The following TTC39B variants were observed in gnomAD, a reference collection of about 807,000 sequenced individuals.
The protein encoded by TTC39B is tetratricopeptide repeat protein 39B.
In TTC39B, 92 loss-of-function variants were observed where a neutral mutation model predicts 96.6. That is an observed-to-expected ratio of 0.95 (90% CI 0.80 to 1.13). The LOEUF (loss-of-function observed/expected upper bound fraction) is 1.13. Ranked by LOEUF, TTC39B falls within the 50% of genes most tolerant of loss-of-function variation. TTC39B has a pLI of 0.00. For synonymous variants in TTC39B, 367 were observed against 299.4 expected (o/e 1.23, Z -2.33); for missense variants, 955 against 809.3 (o/e 1.18, Z -2.18).
chr9:15,212,682 C>A (rs1820276881), intron 4 of TTC39B, among the ~76,000 whole-genome samples: 1 of 152,130 alleles, frequency 6.6e-6, no homozygotes, highest in South Asian at 2.1e-4. Flanking sequence ...CTGCCTCGGC[C>A]TCCCAAAGTG....
At chr9:15,182,108 C>T (rs959964281) in intron 17 of TTC39B, among the ~76,000 whole-genome samples, 199 bp downstream of exon 17, 4 of 152,168 alleles carry the variant, frequency 2.6e-5, no homozygotes, top group African/African-American at 9.6e-5. Context: ...CCTTAGTAAG[C>T]TGTTTCCAAG....
intron 2 of TTC39B, among the ~76,000 whole-genome samples, chr9:15,228,464 C>T (rs1333338234): frequency 6.7e-6 from 1 of 149,068 alleles, no homozygotes; most frequent in African/African-American, 2.6e-5. Flanking sequence ...CACTCCATCT[C>T]AAAAAATAAA....
At chr9:15,279,851 T>C (rs962568575) in intron 1 of TTC39B, among the ~76,000 whole-genome samples, 17 of 152,036 alleles carry the variant, frequency 1.1e-4, no homozygotes, top group South Asian at 1.0e-3. Flanking sequence ...TTCCACCTGC[T>C]GCCTTTTCTT....
intron 2 of TTC39B, among the ~76,000 whole-genome samples, chr9:15,238,215 C>T (rs1821876875): frequency 6.6e-6 from 1 of 152,056 alleles, no homozygotes; most frequent in Admixed American, 6.6e-5. Context: ...ATGAGGACAC[C>T]CACTTTCACC....
At chr9:15,238,949 G>C (rs931464927) in intron 2 of TTC39B, among the ~76,000 whole-genome samples, 1 of 152,158 alleles carries the variant, frequency 6.6e-6, no homozygotes, top group Non-Finnish European at 1.5e-5. Context: ...TCGCACCACT[G>C]CACTCAGCCC....
At chr9:15,190,489 G>A in intron 11 of TTC39B, 65 bp downstream of exon 11, 10 of 1,447,608 alleles carry the variant, frequency 6.9e-6, no homozygotes, top group Non-Finnish European at 9.7e-6. Flanking sequence ...GGGATTACAG[G>A]TGTAACACAC....
chr9:15,164,794 G>A (rs1817488327), exon 20 of TTC39B: 1 of 151,994 alleles, frequency 6.6e-6, no homozygotes, highest in Non-Finnish European at 1.5e-5. Flanking sequence ...ATATGAGAAT[G>A]CAACATATTT....
chr9:15,299,709 T>A lies in TTC39B; in HGVS notation c.240+7375A>T, dbSNP rs1222604733. ...GAGATGCTACTGGGGCATCCAAGAC[T>A]GGAGATTGGTCGGCTGTCAACAGAT... On this transcript the variant is annotated intron_variant, in intron 1 of 19. Coordinates refer to ENST00000512701, the Ensembl canonical transcript of TTC39B. Among the ~76,000 whole-genome samples, 3 of 152,142 alleles carry A rather than the reference T, an allele frequency of 2.0e-5. No homozygotes were observed. In the East Asian group the frequency reaches 5.8e-4, roughly 29 times the overall value.
At chr9:15,300,335 T>A (rs905122721) in intron 1 of TTC39B, among the ~76,000 whole-genome samples, 29 of 152,160 alleles carry the variant, frequency 1.9e-4, no homozygotes, top group African/African-American at 7.0e-4. Context: ...GGCTCCTCCC[T>A]CACTGCACCA....
Position 15,175,001 on chromosome 9 carries a change from G to A in TTC39B, c.1958+18C>T. 6.5e-7 allele frequency: 1 copy of A among 1,548,124 alleles called. No individual in the cohort carries two copies. The highest frequency in any genetic ancestry group is 1.1e-5 in the South Asian group (1 of 89,696). ...CTGACTCCATAACAATCAAGGAAAAGCTGCCTTCAACACTTACCTTGCAGT... is the reference window on the plus strand; with the variant it reads ...CTGACTCCATAACAATCAAGGAAAAACTGCCTTCAACACTTACCTTGCAGT... On this transcript the variant is annotated intron_variant, in intron 19 of 19. Coordinates refer to ENST00000512701, the Ensembl canonical transcript of TTC39B.
chr9:15,205,001 T>C (rs1253017357), intron 6 of TTC39B, among the ~76,000 whole-genome samples: 2 of 152,180 alleles, frequency 1.3e-5, no homozygotes, highest in Non-Finnish European at 2.9e-5. Flanking sequence ...CAAAGTGGCA[T>C]GATATTTAAG....
chr9:15,211,082 T>C (rs1820169194), intron 5 of TTC39B, among the ~76,000 whole-genome samples, 184 bp downstream of exon 5: 1 of 146,810 alleles, frequency 6.8e-6, no homozygotes, highest in Non-Finnish European at 1.5e-5. Flanking sequence ...CCCCAGGCTA[T>C]CAAAAAGAAA....
At chr9:15,218,632 T>TAAAAAAAAAAAAATATATATATA (rs545882970) in intron 3 of TTC39B, among the ~76,000 whole-genome samples, 86 of 105,144 alleles carry the variant, frequency 8.2e-4, no homozygotes, top group African/African-American at 2.8e-3. Flanking sequence ...TTAGTCTATT[T>TAAAAAAAAAAAAATATATATATA]TAAATATATA....
At chr9:15,277,399 G>T (rs1020322217) in intron 1 of TTC39B, among the ~76,000 whole-genome samples, 9 of 152,192 alleles carry the variant, frequency 5.9e-5, no homozygotes, top group African/African-American at 2.2e-4. Context: ...TTGCACTCCA[G>T]CCCGAGCAAC....
At chr9:15,283,896 T>A (rs922303412) in intron 1 of TTC39B, among the ~76,000 whole-genome samples, 29 of 152,136 alleles carry the variant, frequency 1.9e-4, no homozygotes, top group African/African-American at 4.8e-4. Context: ...GGGTATTTTT[T>A]AAAATAATCT....
chr9:15,252,360 A>G (rs1424717929), intron 2 of TTC39B, among the ~76,000 whole-genome samples: 3 of 152,190 alleles, frequency 2.0e-5, no homozygotes, highest in African/African-American at 4.8e-5. Flanking sequence ...AGAAATTACA[A>G]AAGGTGGGCC....
rs764580860 is a variant in TTC39B, at chr9:15,189,629, G to A, written c.1178C>T (p.Ser393Leu). ...TCGGGCATGATAAAACAACACGAGT[G>A]AGCCCTGCAGAGCAAGGAAGAAAAC... Residue 393 changes from serine to leucine, a missense_variant, in exon 13 of 20, where the codon TCA becomes TTA. Physicochemically the swap from Ser to Leu is moderately radical, Grantham distance 145. Coordinates refer to ENST00000512701, the Ensembl canonical transcript of TTC39B. The A allele has an allele frequency of 2.9e-5, 47 of 1,613,980 alleles. No individual in the cohort carries two copies. Among genetic ancestry groups the A allele is most frequent in the Non-Finnish European group, 4.0e-5 (47 of 1,180,026 alleles).
chr9:15,175,429 C>T (rs1015818667), intron 18 of TTC39B, among the ~76,000 whole-genome samples: 5 of 152,030 alleles, frequency 3.3e-5, no homozygotes, highest in Non-Finnish European at 5.9e-5. Context: ...ATGGCAAGAT[C>T]ATCTTTCTGA....
rs138663841 is a variant in TTC39B at position 15,281,176 on chromosome 9, A to G, written c.241-13228T>C. Among the ~76,000 whole-genome samples the G allele has an allele frequency of 9.0e-3, 1,367 of 152,242 alleles. 12 individuals carry two copies. Among genetic ancestry groups the G allele is most frequent in the Non-Finnish European group, 0.014 (942 of 68,016 alleles). On this transcript the variant is annotated intron_variant, in intron 1 of 19. Coordinates refer to ENST00000512701, the Ensembl canonical transcript of TTC39B. The stretch of plus-strand genomic sequence containing the variant: ...TCTAAACTAAAAGGAAAAAAAATCT[A>G]AAAACAACAACAACAACAACAAAAA...
Sources: gnomAD v4.1 joint callset for allele counts (sites outside exome capture counted in the v4.1 genomes callset) on GRCh38, gnomAD v4.1.1 for gene constraint, MANE v1.5 for transcripts, NCBI Gene and HGNC (gene_info 2026-07-23, HGNC 2026-07-21) for gene names.